SLC35F4: variants seen among roughly 807,000 people sequenced by gnomAD.
The protein encoded by SLC35F4 is chromosome 14 open reading frame 36.
In SLC35F4, 24 loss-of-function variants were observed where a neutral mutation model predicts 44.2. That is an observed-to-expected ratio of 0.54 (90% CI 0.39 to 0.76). The LOEUF (loss-of-function observed/expected upper bound fraction) is 0.76, where lower values mean the gene tolerates loss of function less well. Ranked by LOEUF, SLC35F4 falls within the 30% of genes least tolerant of loss-of-function variation. SLC35F4 has a pLI of 0.00. For missense variants in SLC35F4, 562 were observed against 586.1 expected, an observed-to-expected ratio of 0.96 and a Z score of 0.42; for synonymous variants, 238 against 223.6, an observed-to-expected ratio of 1.06 and a Z score of -0.57.
chr14:57,589,145 G>C, intron 3 of SLC35F4, 71 bp downstream of exon 3: 2 of 1,483,210 alleles, frequency 1.3e-6, no homozygotes, highest in Non-Finnish European at 1.8e-6. Flanking sequence ...ATATTCCCAA[G>C]AGATAAAAAT....
At chr14:57,923,310 G>A (rs1335267339) in intron 1 of SLC35F4, among the ~76,000 whole-genome samples, 2 of 152,162 alleles carry the variant, frequency 1.3e-5, no homozygotes, top group Non-Finnish European at 2.9e-5. Flanking sequence ...CAAAAGTTCA[G>A]CCTAATCATT....
intron 1 of SLC35F4, among the ~76,000 whole-genome samples, chr14:57,598,542 A>T (rs890624141): frequency 2.6e-5 from 4 of 152,210 alleles, no homozygotes; most frequent in Non-Finnish European, 4.4e-5. Context: ...CCAAGCTGAT[A>T]AAAGTTAACT....
intron 1 of SLC35F4, among the ~76,000 whole-genome samples, chr14:57,622,655 T>A (rs2072249051): frequency 6.6e-6 from 1 of 151,700 alleles, no homozygotes; most frequent in South Asian, 2.1e-4. Flanking sequence ...AACATCACAC[T>A]CTGGGGACTG....
In SLC35F4 at chr14:57,754,558, T is replaced by C. The variant is rs74053021; in HGVS notation, c.103+111165A>G. Among the ~76,000 whole-genome samples, 303 of 152,352 alleles carry C rather than the reference T, an allele frequency of 2.0e-3. 1 individual carries two copies. Among genetic ancestry groups the C allele is most frequent in the African/African-American group, 6.9e-3 (287 of 41,582 alleles). ...CTCAGGAACCAGATTTATTAAATTATTCTAGCTCCCTTTCAAGGCCAGCTT... is the reference window on the plus strand; with the variant it reads ...CTCAGGAACCAGATTTATTAAATTACTCTAGCTCCCTTTCAAGGCCAGCTT... On this transcript the variant is annotated intron_variant, in intron 1 of 7. Transcript: ENST00000556826.
intron 1 of SLC35F4, among the ~76,000 whole-genome samples, chr14:57,963,352 T>C (rs113857968): frequency 2.0e-5 from 3 of 152,270 alleles, no homozygotes; most frequent in African/African-American, 7.2e-5. Flanking sequence ...CCAACACAGA[T>C]GCAGGCATGA....
chr14:57,728,441 C>CTTTTTTTTTTTTTTTTTTTTTTTTTTTT (rs869064667), intron 1 of SLC35F4, among the ~76,000 whole-genome samples: 2 of 59,026 alleles, frequency 3.4e-5, no homozygotes, highest in East Asian at 6.0e-4. Flanking sequence ...TTCTTTCTTT[C>CTTTTTTTTTTTTTTTTTTTTTTTTTTTT]TTTTTTTTTT....
intron 1 of SLC35F4, among the ~76,000 whole-genome samples, chr14:57,781,455 A>G (rs8005380): frequency 0.05 from 7,561 of 152,230 alleles, 633 homozygotes; most frequent in African/African-American, 0.17. Context: ...ATGTTTATAC[A>G]CTGTTGGTAG....
intron 1 of SLC35F4, among the ~76,000 whole-genome samples, chr14:57,801,919 A>G (rs867819506): frequency 6.6e-6 from 1 of 152,006 alleles, no homozygotes; most frequent in South Asian, 2.1e-4. Context: ...ATGTTAGATC[A>G]TAGAAACACA....
chr14:57,704,127 G>T (rs1486133303), intron 1 of SLC35F4, among the ~76,000 whole-genome samples: 1 of 152,216 alleles, frequency 6.6e-6, no homozygotes, highest in Non-Finnish European at 1.5e-5. Context: ...TTATTTTGGT[G>T]TGAAGAAACA....
intron 1 of SLC35F4, among the ~76,000 whole-genome samples, chr14:57,603,212 G>T (rs11626820): frequency 0.71 from 108,337 of 152,104 alleles, 39,312 homozygotes; most frequent in Middle Eastern, 0.8. Flanking sequence ...CATTAAAGTT[G>T]TCTTTGTGTG....
chr14:57,711,901 A>T (rs998010429), intron 1 of SLC35F4, among the ~76,000 whole-genome samples: 2 of 152,232 alleles, frequency 1.3e-5, no homozygotes, highest in Admixed American at 1.3e-4. Flanking sequence ...GAGTTTAGAA[A>T]CTGGTTCACT....
chr14:57,836,380 ACT>A (rs1884923746), intron 1 of SLC35F4, among the ~76,000 whole-genome samples: 1 of 151,710 alleles, frequency 6.6e-6, no homozygotes, highest in Non-Finnish European at 1.5e-5. Flanking sequence ...GCAACCTCCG[ACT>A]CCCTGGTTCA....
chr14:57,669,683 AC>A (rs1369153492), intron 1 of SLC35F4, among the ~76,000 whole-genome samples: 5 of 152,184 alleles, frequency 3.3e-5, no homozygotes, highest in African/African-American at 7.2e-5. Flanking sequence ...GATGAAGCCC[AC>A]TTGATCATGG....
chr14:57,664,973 G>A (rs970599009), intron 1 of SLC35F4, among the ~76,000 whole-genome samples: 2 of 152,104 alleles, frequency 1.3e-5, no homozygotes, highest in Non-Finnish European at 2.9e-5. Flanking sequence ...AGGCAGGTGG[G>A]CAGGAGCCAT....
chr14:57,615,592 A>C (rs1273339419), intron 1 of SLC35F4, among the ~76,000 whole-genome samples: 1 of 152,110 alleles, frequency 6.6e-6, no homozygotes, highest in African/African-American at 2.4e-5. Flanking sequence ...ATAGAGGGTT[A>C]GATTTGGAGC....
intron 1 of SLC35F4, among the ~76,000 whole-genome samples, chr14:57,789,605 C>T (rs887394077): frequency 1.3e-5 from 2 of 152,098 alleles, no homozygotes; most frequent in Non-Finnish European, 1.5e-5. Flanking sequence ...GAAACTATTC[C>T]AAACAACAGA....
At chr14:57,824,139 G>A (rs373935656) in intron 1 of SLC35F4, among the ~76,000 whole-genome samples, 5 of 151,826 alleles carry the variant, frequency 3.3e-5, no homozygotes, top group South Asian at 4.2e-4. Flanking sequence ...TTTATAATCC[G>A]TTGATCAACA....
rs546083068 is a variant in SLC35F4, at chr14:57,600,185, G to A, written c.104-6061C>T. Among the ~76,000 whole-genome samples the A allele has an allele frequency of 6.6e-5, 10 of 152,224 alleles. No individual in the cohort carries two copies. In the East Asian group the frequency reaches 1.4e-3, roughly 21 times the overall value. ...TGATAATTCTTCCAAACAAGCTCAC[G>A]TAAATTATATATTGGCCATAAAACT... On this transcript the variant is annotated intron_variant, in intron 1 of 7. Transcript: ENST00000556826.
Position 57,808,443 on chromosome 14 carries a change from TAACAAA to T in SLC35F4, c.103+57274_103+57279del, listed in dbSNP as rs1254323285. On this transcript the variant is annotated intron_variant, in intron 1 of 7. Coordinates refer to ENST00000556826, the MANE Select transcript of SLC35F4 (RefSeq NM_001306087.2). ...AATGCAAAGCATAATACTAATTGAT[TAACAAA>T]AACTCACACCTGGAAATTCTATTTT... Among the ~76,000 whole-genome samples, 13 of 152,002 alleles carry T rather than the reference TAACAAA, an allele frequency of 8.6e-5. No homozygotes were observed. The East Asian group carries it at 1.7e-3, about 20-fold the overall frequency.
Sources: allele counts gnomAD v4.1 joint callset (sites outside exome capture counted in the v4.1 genomes callset), GRCh38; gene constraint gnomAD v4.1.1; transcripts MANE v1.5; gene names NCBI Gene and HGNC (gene_info 2026-07-23, HGNC 2026-07-21).